Variants in LONP2 observed in about 807,000 individuals in gnomAD.
The protein encoded by LONP2 is lon peptidase 2, peroxisomal.
LONP2 carries 60 observed loss-of-function variants against 85.6 expected under a neutral mutation model. The observed-to-expected ratio is 0.70, with a 90% confidence interval of 0.57 to 0.87. The LOEUF (loss-of-function observed/expected upper bound fraction) is 0.87, where lower values mean the gene tolerates loss of function less well. Ranked by LOEUF, LONP2 falls within the 40% of genes least tolerant of loss-of-function variation. The pLI, the probability that LONP2 is intolerant of heterozygous loss-of-function variation, is 0.00. For synonymous variants in LONP2, 395 were observed against 389.7 expected (o/e 1.01, Z -0.16); for missense variants, 860 against 1,063.5 (o/e 0.81, Z 2.66).
chr16:48,298,624 G>GA (rs1567329262), intron 9 of LONP2, among the ~76,000 whole-genome samples: 2 of 75,166 alleles, frequency 2.7e-5, no homozygotes, highest in East Asian at 9.2e-4. Context: ...TTATTTAATT[G>GA]AGGTGTGTGT....
chr16:48,362,403 A>G lies in LONP2; in HGVS notation c.*540A>G. 1 of 1,614,140 alleles carries G rather than the reference A, an allele frequency of 6.2e-7. No homozygotes were observed. Among genetic ancestry groups the G allele is most frequent in the Non-Finnish European group, 8.5e-7 (1 of 1,179,994 alleles). On this transcript the variant is annotated 3_prime_UTR_variant, in exon 5 of 5. Coordinates refer to the LONP2 transcript ENST00000565867. The surrounding 1 kb of genome is among the most constrained non-coding windows in gnomAD (Gnocchi z 4.2). ...TGGACACTTCGAGGTACCGGTAGGTAATGCTGTAGCAGTCTGACGGCTCAT... is the reference window on the plus strand; with the variant it reads ...TGGACACTTCGAGGTACCGGTAGGTGATGCTGTAGCAGTCTGACGGCTCAT...
At chr16:48,313,855 T>G (rs1158341372) in intron 11 of LONP2, among the ~76,000 whole-genome samples, 3 of 152,230 alleles carry the variant, frequency 2.0e-5, no homozygotes, top group Non-Finnish European at 4.4e-5. Context: ...ATGGTATTTC[T>G]GCTTCTAGAT....
chr16:48,323,234 T>C lies in LONP2; in HGVS notation c.1796-10982T>C, dbSNP rs1973302752. On this transcript the variant is annotated intron_variant, in intron 11 of 14. Coordinates refer to ENST00000285737, the MANE Select transcript of LONP2 (RefSeq NM_031490.5). ...TATGGTAGCTTATAAAAATTACTTA[T>C]AGTAAATGGACATGAAAAGGTCATT... Among the ~76,000 whole-genome samples, 7 of 152,338 alleles carry C rather than the reference T, an allele frequency of 4.6e-5. 1 individual carries two copies. The highest frequency in any genetic ancestry group is 3.9e-4 in the Admixed American group (6 of 15,300).
intron 14 of LONP2, among the ~76,000 whole-genome samples, chr16:48,350,971 G>A (rs931871507): frequency 3.3e-5 from 5 of 152,112 alleles, no homozygotes; most frequent in Admixed American, 2.6e-4. Context: ...AGCAGCTCTC[G>A]TTTTTTGTGA....
At chr16:48,288,019 T>G (rs1029855095) in intron 8 of LONP2, among the ~76,000 whole-genome samples, 2 of 152,208 alleles carry the variant, frequency 1.3e-5, no homozygotes, top group Non-Finnish European at 2.9e-5. Context: ...AAATATATCT[T>G]CAGGTTACTT....
chr16:48,346,787 G>A (rs1002560508), intron 12 of LONP2, among the ~76,000 whole-genome samples: 24 of 152,070 alleles, frequency 1.6e-4, no homozygotes, highest in African/African-American at 5.6e-4. Context: ...GCTAGTAAGA[G>A]GGTTTCTACT....
chr16:48,334,656 G>A (rs1959583490), intron 12 of LONP2: 1 of 602,624 alleles, frequency 1.7e-6, no homozygotes, highest in Admixed American at 2.1e-5. Flanking sequence ...ATCAGGCGCA[G>A]GGTGGACTCT....
Position 48,296,207 on chromosome 16 carries a change from G to T in LONP2, c.1534+42G>T. ...TCATTATGATACATCTTGCCTTTCT[G>T]ACCATAACTTTAAAATTAGTTATGC... is the stretch of plus-strand genomic sequence containing the variant. On this transcript the variant is annotated intron_variant, in intron 9 of 14. Coordinates refer to ENST00000285737, the MANE Select transcript of LONP2 (RefSeq NM_031490.5). The T allele has an allele frequency of 2.5e-6, 4 of 1,590,390 alleles. No homozygotes were observed. The South Asian group carries it at 4.6e-5, about 18-fold the overall frequency.
intron 1 of LONP2, among the ~76,000 whole-genome samples, chr16:48,244,905 TC>T (rs2150951535): frequency 6.6e-6 from 1 of 152,272 alleles, no homozygotes; most frequent in East Asian, 1.9e-4. Context: ...TCTCCGCAAT[TC>T]CTCGCCCTCG....
intron 11 of LONP2, among the ~76,000 whole-genome samples, chr16:48,308,064 C>T (rs1160383869): frequency 6.6e-6 from 1 of 152,184 alleles, no homozygotes; most frequent in African/African-American, 2.4e-5. Context: ...CCAAACATCT[C>T]CCAGTAGGTC....
rs1373682628 is a variant in LONP2 at position 48,353,351 on chromosome 16, C to G, written c.*1549C>G. The G allele has an allele frequency of 2.6e-5, 4 of 151,052 alleles. No homozygotes were observed. Among genetic ancestry groups the G allele is most frequent in the Admixed American group, 6.6e-5 (1 of 15,108 alleles). 9.4% of individuals were successfully genotyped at this position (151,052 alleles called of 1,614,324 possible). On this transcript the variant is annotated 3_prime_UTR_variant, in exon 15 of 15. Coordinates refer to ENST00000285737, the MANE Select transcript of LONP2 (RefSeq NM_031490.5). ...CAAAACCCCATTTCTACAAAAAATA[C>G]AAAAATTAGCTGGGCATGGTGGCAC...
chr16:48,270,134 G>T lies in LONP2; in HGVS notation c.1101G>T (p.Lys367Asn), dbSNP rs1444980960. The change falls in exon 7 of 15, where the codon AAG (lysine) becomes AAT (asparagine). Residue 367 changes from lysine to asparagine, a missense_variant. Around this residue, in one of 3 missense-constraint regions of LONP2, gnomAD observed 743 missense variants for 917.3 expected, o/e 0.81. Transcript: ENST00000285737. Reference protein sequence around the residue: ...LAVRQLKNNLKGPILCFVGPP... With the variant: ...LAVRQLKNNLNGPILCFVGPP... ...TCAGACAGCTCAAAAATAACCTGAA[G>T]GGCCCAATCCTATGCTTTGTTGGCC... 1.2e-6 allele frequency: 2 copies of T among 1,614,044 alleles called. No homozygotes were observed. Among genetic ancestry groups the T allele is most frequent in the Non-Finnish European group, 1.7e-6 (2 of 1,179,994 alleles).
rs1960026598 is a variant in LONP2, at chr16:48,348,131, A to G, written c.2178A>G (p.Thr726=). Residue 726 remains threonine (T), a synonymous_variant, in exon 14 of 15, where the codon ACA becomes ACG. Coordinates refer to ENST00000285737, the MANE Select transcript of LONP2 (RefSeq NM_031490.5). The part of the protein sequence containing the change: ...AFGSFDLLDN[T]DIHLHFPAGA... ...GAAGTTTTGATCTTCTTGACAACACAGACATCCATCTGCACTTCCCAGCTG... is the reference window on the plus strand; with the variant it reads ...GAAGTTTTGATCTTCTTGACAACACGGACATCCATCTGCACTTCCCAGCTG... 2 of 1,609,244 alleles carry G rather than the reference A, an allele frequency of 1.2e-6. No homozygotes were observed. The highest frequency in any genetic ancestry group is 1.7e-6 in the Non-Finnish European group (2 of 1,178,946).
At chr16:48,336,837 G>A (rs904578836) in intron 12 of LONP2, among the ~76,000 whole-genome samples, 1 of 152,174 alleles carries the variant, frequency 6.6e-6, no homozygotes, top group East Asian at 1.9e-4. Flanking sequence ...GGCTTAGCTT[G>A]GGCTCAGAGG....
intron 4 of LONP2, among the ~76,000 whole-genome samples, chr16:48,261,147 A>C (rs769858696): frequency 1.3e-5 from 2 of 152,184 alleles, no homozygotes; most frequent in African/African-American, 4.8e-5. Context: ...AATTATTTCT[A>C]GTATCCAGTT....
downstream of LONP2, among the ~76,000 whole-genome samples, chr16:48,359,589 G>A (rs1051305133): frequency 2.0e-5 from 3 of 152,112 alleles, no homozygotes; most frequent in Non-Finnish European, 2.9e-5. Flanking sequence ...GGTGGCACGT[G>A]CCTGTAGTCC....
intron 9 of LONP2, among the ~76,000 whole-genome samples, chr16:48,299,288 A>G (rs1224427263): frequency 6.6e-6 from 1 of 152,128 alleles, no homozygotes; most frequent in East Asian, 1.9e-4. Flanking sequence ...TGATTCATTA[A>G]AAAAGCATGG....
intron 4 of LONP2, among the ~76,000 whole-genome samples, chr16:48,259,574 T>TG (rs1286828018): frequency 6.6e-6 from 1 of 152,240 alleles, no homozygotes; most frequent in African/African-American, 2.4e-5. Context: ...TTGAGAATTA[T>TG]GTTAGCAATT....
intron 11 of LONP2, among the ~76,000 whole-genome samples, chr16:48,305,311 G>A (rs1451468237): frequency 1.3e-5 from 2 of 152,090 alleles, no homozygotes; most frequent in South Asian, 2.1e-4. Flanking sequence ...CTGGACTGCG[G>A]TGGCACAATC....
Sources: allele counts gnomAD v4.1 joint callset (sites outside exome capture counted in the v4.1 genomes callset), GRCh38; gene constraint gnomAD v4.1.1; regional missense constraint gnomAD v4.1.1; non-coding constraint Gnocchi (gnomAD v3.1); transcripts MANE v1.5; gene names NCBI Gene and HGNC (gene_info 2026-07-23, HGNC 2026-07-21).